TSPAN12: variants seen among roughly 807,000 people sequenced by gnomAD.
TSPAN12 encodes the protein tetraspanin-12.
Under a neutral mutation model 39.2 loss-of-function variants are expected in TSPAN12, and 19 were observed. That is an observed-to-expected ratio of 0.49 (90% CI 0.34 to 0.71). The LOEUF is 0.71. TSPAN12 is among the 30% of genes least tolerant of loss of function. The pLI is 0.01. For synonymous variants in TSPAN12, 119 were observed against 124.8 expected, an observed-to-expected ratio of 0.95 and a Z score of 0.31; for missense variants, 314 against 359.9, an observed-to-expected ratio of 0.87 and a Z score of 1.03.
intron 4 of TSPAN12, among the ~76,000 whole-genome samples, chr7:120,834,428 G>A (rs548243748): frequency 6.6e-6 from 1 of 152,164 alleles, no homozygotes; most frequent in African/African-American, 2.4e-5. Flanking sequence ...CTCTTAGCTT[G>A]TAGAGGTTTT....
At chr7:120,834,103 G>T (rs540590182) in intron 4 of TSPAN12, among the ~76,000 whole-genome samples, 20 of 152,152 alleles carry the variant, frequency 1.3e-4, no homozygotes, top group Middle Eastern at 3.4e-3. Flanking sequence ...TTCTATGACA[G>T]TTTCACACTT....
chr7:120,809,178 A>C, intron 6 of TSPAN12, among the ~76,000 whole-genome samples: 2 of 152,062 alleles, frequency 1.3e-5, no homozygotes, highest in East Asian at 3.9e-4. Context: ...CAAATCTAAA[A>C]ATAAGTGTGC....
intron 4 of TSPAN12, among the ~76,000 whole-genome samples, chr7:120,830,639 A>C (rs1794373168): frequency 6.6e-6 from 1 of 152,128 alleles, no homozygotes; most frequent in African/African-American, 2.4e-5. Flanking sequence ...TAAGCAAAAA[A>C]ACAACAAAAA....
At chr7:120,797,492 T>G (rs1338207011) in intron 7 of TSPAN12, among the ~76,000 whole-genome samples, 2 of 152,240 alleles carry the variant, frequency 1.3e-5, no homozygotes, top group East Asian at 3.8e-4. Flanking sequence ...CCATTGTATT[T>G]TGAGTTAGCA....
At chr7:120,857,368 C>CGGCGG (rs1406958902) in intron 1 of TSPAN12, 2 of 154,944 alleles carry the variant, frequency 1.3e-5, no homozygotes, top group Non-Finnish European at 1.4e-5. Context: ...GGGACTGGGG[C>CGGCGG]GGCGGGGCGG....
At chr7:120,850,795 T>G (rs899433048) in intron 2 of TSPAN12, among the ~76,000 whole-genome samples, 2 of 151,976 alleles carry the variant, frequency 1.3e-5, no homozygotes, top group Non-Finnish European at 2.9e-5. Context: ...GTTCAAGCAG[T>G]TCTCCTGCCT....
At chr7:120,821,746 C>G (rs1167306953) in intron 4 of TSPAN12, among the ~76,000 whole-genome samples, 2 of 152,110 alleles carry the variant, frequency 1.3e-5, no homozygotes, top group Non-Finnish European at 2.9e-5. Context: ...TACCACTCTA[C>G]CTGGCACATA....
intron 4 of TSPAN12, among the ~76,000 whole-genome samples, chr7:120,825,127 T>C (rs1043639585): frequency 2.0e-5 from 3 of 152,224 alleles, no homozygotes; most frequent in Non-Finnish European, 4.4e-5. Context: ...AGAATTGTAA[T>C]GTTTTCCTTG....
intron 5 of TSPAN12, among the ~76,000 whole-genome samples, 190 bp from the exon 6 acceptor site, chr7:120,810,760 A>G (rs1347887401): frequency 1.3e-5 from 2 of 152,184 alleles, no homozygotes; most frequent in African/African-American, 4.8e-5. Flanking sequence ...TAGTTATTGG[A>G]CAATCTCAAT....
intron 2 of TSPAN12, among the ~76,000 whole-genome samples, chr7:120,845,515 C>A (rs1181397863): frequency 6.6e-6 from 1 of 152,124 alleles, no homozygotes; most frequent in Non-Finnish European, 1.5e-5. Flanking sequence ...TAGAATCAAC[C>A]AGGCCAAATC....
intron 7 of TSPAN12, among the ~76,000 whole-genome samples, chr7:120,801,170 G>A (rs147054732): frequency 4.2e-3 from 632 of 152,068 alleles, no homozygotes; most frequent in Non-Finnish European, 6.0e-3. Context: ...ACCTGTAGGA[G>A]CACCTCTACA....
chr7:120,852,359 G>A (rs1783333541), intron 2 of TSPAN12, among the ~76,000 whole-genome samples: 1 of 152,098 alleles, frequency 6.6e-6, no homozygotes, highest in African/African-American at 2.4e-5. Flanking sequence ...AGACCCAGAG[G>A]GAGGAACAAT....
chr7:120,817,020 TG>T (rs2116392804), intron 4 of TSPAN12, among the ~76,000 whole-genome samples: 1 of 152,192 alleles, frequency 6.6e-6, no homozygotes, highest in East Asian at 1.9e-4. Context: ...AACAGCTCTG[TG>T]GGAAGATAAA....
intron 4 of TSPAN12, among the ~76,000 whole-genome samples, chr7:120,826,321 T>G (rs1270166546): frequency 6.6e-6 from 1 of 152,118 alleles, no homozygotes; most frequent in African/African-American, 2.4e-5. Flanking sequence ...GGGTCAATGA[T>G]GTACATCAAG....
intron 6 of TSPAN12, among the ~76,000 whole-genome samples, chr7:120,809,131 A>C (rs1458219957): frequency 6.6e-6 from 1 of 152,096 alleles, no homozygotes; most frequent in Non-Finnish European, 1.5e-5. Context: ...TACATAAAAT[A>C]GTCTTATGAT....
rs1004614695 is a variant in TSPAN12, at chr7:120,809,038, G to A, written c.468+1425C>T. On this transcript the variant is annotated intron_variant, in intron 6 of 7. Coordinates refer to ENST00000222747, the MANE Select transcript of TSPAN12 (RefSeq NM_012338.4). The stretch of plus-strand genomic sequence containing the variant: ...AGACACAGGGAGAAGATGGCCATCC[G>A]CAAGCAGTCATTGCAAACTAATATA... 7.7e-4 allele frequency among the ~76,000 whole-genome samples: 116 copies of A among 151,268 alleles called. 3 individuals carry two copies. The highest frequency in any genetic ancestry group is 2.5e-4 in the Non-Finnish European group (17 of 67,858).
intron 7 of TSPAN12, among the ~76,000 whole-genome samples, chr7:120,794,677 C>T (rs1464430024): frequency 6.6e-6 from 1 of 152,152 alleles, no homozygotes; most frequent in Admixed American, 6.5e-5. Flanking sequence ...GGAAGAATTG[C>T]CTAACACAGG....
intron 4 of TSPAN12, among the ~76,000 whole-genome samples, chr7:120,819,895 A>G (rs1353205992): frequency 6.6e-6 from 1 of 152,182 alleles, no homozygotes; most frequent in East Asian, 1.9e-4. Flanking sequence ...GCATCTATAA[A>G]GCATGATGCT....
At chr7:120,801,642 C>T (rs1207556261) in intron 7 of TSPAN12, among the ~76,000 whole-genome samples, 1 of 152,138 alleles carries the variant, frequency 6.6e-6, no homozygotes, top group Non-Finnish European at 1.5e-5. Context: ...TTCTGTCCCT[C>T]TTTGTTTTAC....
Sources: allele counts gnomAD v4.1 joint callset (sites outside exome capture counted in the v4.1 genomes callset), GRCh38; gene constraint gnomAD v4.1.1; transcripts MANE v1.5; gene names NCBI Gene and HGNC (gene_info 2026-07-23, HGNC 2026-07-21).